Variants in ERAP1 observed in about 807,000 individuals in gnomAD.
The protein encoded by ERAP1 is adipocyte-derived leucine aminopeptidase.
In ERAP1, 86 loss-of-function variants were observed where a neutral mutation model predicts 103.7. The observed-to-expected ratio is 0.83, with a 90% CI of 0.70 to 0.99. The LOEUF is 0.99. Among genes scored for constraint, ERAP1 ranks in the 50% least tolerant of loss-of-function variants. The pLI is 0.00. For missense variants in ERAP1, 1,009 were observed against 1,128.4 expected, an observed-to-expected ratio of 0.89 and a Z score of 1.52; for synonymous variants, 398 against 402.4, an observed-to-expected ratio of 0.99 and a Z score of 0.13.
At chr5:96,785,733 G>T in intron 13 of ERAP1, 55 bp downstream of exon 13, 2 of 1,573,088 alleles carry the variant, frequency 1.3e-6, no homozygotes, top group South Asian at 2.2e-5. Flanking sequence ...TCAAGAATTT[G>T]AACAATAACA....
Position 96,789,459 on chromosome 5 carries a change from C to T in ERAP1, c.1525-774G>A, listed in dbSNP as rs535211581. On this transcript the variant is annotated intron_variant, in intron 10 of 18. Coordinates refer to ENST00000443439, the MANE Select transcript of ERAP1 (RefSeq NM_001040458.3). Reference sequence around the variant, plus strand: ...CCGAGATCACGCCACTGCACTCCAGCCTGGGCAACAGAGTGAGACTCTGTC... The same window carrying T: ...CCGAGATCACGCCACTGCACTCCAGTCTGGGCAACAGAGTGAGACTCTGTC... Among the ~76,000 whole-genome samples the T allele has an allele frequency of 5.3e-5, 8 of 151,552 alleles. 1 individual carries two copies. The East Asian group carries it at 1.6e-3, about 30-fold the overall frequency.
chr5:96,898,174 T>C, the ERAP1 span, among the ~76,000 whole-genome samples: 2 of 152,088 alleles, frequency 1.3e-5, no homozygotes, highest in African/African-American at 4.8e-5. Flanking sequence ...CCAGCCTGGG[T>C]GACAGAGTGA....
the ERAP1 span, among the ~76,000 whole-genome samples, chr5:96,843,757 C>T: frequency 1.3e-5 from 2 of 152,228 alleles, no homozygotes; most frequent in East Asian, 1.9e-4. Flanking sequence ...TAAACTCTGA[C>T]GGCCATTCGT....
the ERAP1 span, among the ~76,000 whole-genome samples, chr5:96,822,710 G>A: frequency 6.6e-6 from 1 of 151,880 alleles, no homozygotes; most frequent in Non-Finnish European, 1.5e-5. Flanking sequence ...ACCCCCATTT[G>A]TATTAGTTCC....
the ERAP1 span, among the ~76,000 whole-genome samples, chr5:96,835,278 G>A: frequency 6.6e-6 from 1 of 152,338 alleles, no homozygotes; most frequent in African/African-American, 2.4e-5. Context: ...TGGAGTTTGA[G>A]TGATCCTTGC....
the ERAP1 span, chr5:96,901,662 T>G: frequency 6.2e-7 from 1 of 1,613,894 alleles, no homozygotes; most frequent in South Asian, 1.1e-5. Flanking sequence ...AGACCCTGAA[T>G]GGAGGGCCCT....
At chr5:96,888,099 G>A in the ERAP1 span, among the ~76,000 whole-genome samples, 1 of 151,410 alleles carries the variant, frequency 6.6e-6, no homozygotes, top group Non-Finnish European at 1.5e-5. Flanking sequence ...ACTCCAGCCT[G>A]GGTGACAAGA....
At chr5:96,867,500 T>C in the ERAP1 span, among the ~76,000 whole-genome samples, 2 of 152,122 alleles carry the variant, frequency 1.3e-5, no homozygotes, top group East Asian at 3.8e-4. Flanking sequence ...TCTTGAAGGG[T>C]GGCGTTGGGA....
At position 96,790,569 on chromosome 5, in the gene ERAP1, G is replaced by T; in HGVS notation, c.1395C>A (p.Leu465=). ...DAFKSGIVQY[L]QKHSYKNTKN... ...TTGTATTTTTATAGCTATGCTTCTG[G>T]AGATACTGTACAATACCACTTTTAA... Residue 465 remains leucine (L), a synonymous_variant, in exon 9 of 19, where the codon CTC becomes CTA. Coordinates refer to ENST00000443439, the MANE Select transcript of ERAP1 (RefSeq NM_001040458.3). 3 of 1,613,548 alleles carry T rather than the reference G, an allele frequency of 1.9e-6. No homozygotes were observed. Among genetic ancestry groups the T allele is most frequent in the Non-Finnish European group, 2.5e-6 (3 of 1,179,518 alleles).
chr5:96,887,535 G>A, the ERAP1 span, among the ~76,000 whole-genome samples: 19 of 152,022 alleles, frequency 1.2e-4, no homozygotes, highest in Admixed American at 2.6e-4. Flanking sequence ...CCTGACCTCA[G>A]GTGATCCTCC....
At chr5:96,763,262 C>T (rs1224654614) in intron 19 of ERAP1, 1 of 780,588 alleles carries the variant, frequency 1.3e-6, no homozygotes, top group Non-Finnish European at 2.4e-6. Context: ...TGACAAAGCC[C>T]AGACCTGGCC....
the ERAP1 span, chr5:96,889,628 G>A: frequency 7.8e-6 from 5 of 639,000 alleles, no homozygotes; most frequent in Non-Finnish European, 1.4e-5. Context: ...GGAAAGAGAT[G>A]GGGAGAAAAA....
chr5:96,762,107 A>G, exon 20 of ERAP1: 1 of 449,440 alleles, frequency 2.2e-6, no homozygotes, highest in South Asian at 5.9e-5. Context: ...AATACAATAG[A>G]GAAGAAAGAA....
the ERAP1 span, among the ~76,000 whole-genome samples, chr5:96,916,345 T>A: frequency 2.0e-5 from 3 of 152,102 alleles, no homozygotes; most frequent in Non-Finnish European, 2.9e-5. Flanking sequence ...AGGTGAGCCC[T>A]TTTGTATTAT....
the ERAP1 span, chr5:96,896,938 A>C: frequency 7.0e-7 from 1 of 1,424,580 alleles, no homozygotes; most frequent in Non-Finnish European, 9.3e-7. Flanking sequence ...ATGTTTATAA[A>C]TAGCTATATA....
chr5:96,917,727 A>T, the ERAP1 span: 5 of 668,778 alleles, frequency 7.5e-6, no homozygotes, highest in Non-Finnish European at 9.2e-6. Context: ...TAACACGGTG[A>T]GACCCCGTCT....
chr5:96,924,269 C>T, the ERAP1 span, among the ~76,000 whole-genome samples: 102 of 152,322 alleles, frequency 6.7e-4, 1 homozygote, highest in African/African-American at 2.3e-3. Context: ...TGAGGCCCTG[C>T]ACACCAGGGG....
At chr5:96,935,779 G>T in the ERAP1 span, 1 of 223,416 alleles carries the variant, frequency 4.5e-6, no homozygotes, top group Non-Finnish European at 8.9e-6. Context: ...GGGATCGGGC[G>T]GGTCGCAGTA....
the ERAP1 span, chr5:96,823,197 C>T: frequency 4.4e-6 from 2 of 449,830 alleles, no homozygotes; most frequent in Middle Eastern, 3.4e-4. Context: ...GTCATATAAT[C>T]ATACACATCC....
Sources: allele counts gnomAD v4.1 joint callset (sites outside exome capture counted in the v4.1 genomes callset), GRCh38; gene constraint gnomAD v4.1.1; transcripts MANE v1.5; gene names NCBI Gene and HGNC (gene_info 2026-07-23, HGNC 2026-07-21).